Variants in DGKB observed in about 807,000 individuals in gnomAD.
DGKB encodes the protein diacylglycerol kinase beta.
In DGKB, 67 loss-of-function variants were observed where a neutral mutation model predicts 114.3. The ratio of observed to expected loss-of-function variants is 0.59; its 90% CI spans 0.48 to 0.72. The LOEUF (loss-of-function observed/expected upper bound fraction) is 0.72, where lower values mean the gene tolerates loss of function less well. Among genes scored for constraint, DGKB ranks in the 30% least tolerant of loss-of-function variants. The pLI, the probability that DGKB is intolerant of heterozygous loss-of-function variation, is 0.00. For missense variants in DGKB, 907 were observed against 975.2 expected (o/e 0.93, Z 0.93); for synonymous variants, 398 against 323.1 (o/e 1.23, Z -2.49).
At chr7:14,713,179 A>T (rs1563989199) in intron 6 of DGKB, among the ~76,000 whole-genome samples, 2 of 151,978 alleles carry the variant, frequency 1.3e-5, no homozygotes, top group East Asian at 1.9e-4. Context: ...TTATATCCAA[A>T]TTTTTTTTCC....
chr7:14,607,526 T>C lies in DGKB; in HGVS notation c.1359-18A>G, dbSNP rs1397419800. 1.5e-6 allele frequency: 2 copies of C among 1,293,174 alleles called. No homozygotes were observed. Among genetic ancestry groups the C allele is most frequent in the African/African-American group, 2.9e-5 (2 of 68,144 alleles). 80.1% of individuals were successfully genotyped at this position (1,293,174 alleles called of 1,614,324 possible). A position where few individuals can be genotyped will look rare whatever the true frequency, so the allele number is the denominator to read the frequency against. On this transcript the variant is annotated intron_variant, in intron 16 of 25. Transcript: ENST00000402815. ...TGTAAATTCTATAAAGGTGAAAATG[T>C]GGGGAAAAAATTTAATAATATTCAA...
chr7:14,619,979 G>C (rs1005864275), intron 15 of DGKB, among the ~76,000 whole-genome samples: 1 of 151,426 alleles, frequency 6.6e-6, no homozygotes, highest in Non-Finnish European at 1.5e-5. Flanking sequence ...TTTCATTCCA[G>C]GAACCCAGAG....
At chr7:14,871,991 G>A (rs548339081) in intron 1 of DGKB, among the ~76,000 whole-genome samples, 3 of 151,954 alleles carry the variant, frequency 2.0e-5, no homozygotes, top group South Asian at 2.1e-4. Flanking sequence ...TAAATACAGC[G>A]ATCTTCAAGA....
intron 7 of DGKB, among the ~76,000 whole-genome samples, chr7:14,700,610 T>C (rs1174811963): frequency 6.6e-6 from 1 of 152,202 alleles, no homozygotes; most frequent in Non-Finnish European, 1.5e-5. Flanking sequence ...AGGAGTTATA[T>C]ATTTTAATCT....
chr7:14,426,638 AT>A (rs1373918231), intron 21 of DGKB, among the ~76,000 whole-genome samples: 3 of 152,180 alleles, frequency 2.0e-5, no homozygotes, highest in Admixed American at 6.5e-5. Context: ...TGCTAAAATT[AT>A]GAGTTCAGAA....
chr7:14,894,249 C>G (rs144655199), intron 1 of DGKB, among the ~76,000 whole-genome samples: 1,693 of 151,390 alleles, frequency 0.011, 25 homozygotes, highest in Admixed American at 0.016. Flanking sequence ...TTCTCTTTTC[C>G]TCTTTTAACA....
chr7:14,706,861 G>T (rs1344093038), intron 6 of DGKB, among the ~76,000 whole-genome samples: 1 of 121,928 alleles, frequency 8.2e-6, no homozygotes. Flanking sequence ...ACAAGAGAAA[G>T]CAGGAAAGAT....
chr7:14,763,575 G>A (rs935483263), intron 2 of DGKB, among the ~76,000 whole-genome samples: 1 of 151,874 alleles, frequency 6.6e-6, no homozygotes, highest in South Asian at 2.1e-4. Flanking sequence ...CGTCACTTTG[G>A]AAAAAGAACA....
chr7:14,917,287 A>G (rs2128245689), intron 1 of DGKB, among the ~76,000 whole-genome samples: 1 of 152,166 alleles, frequency 6.6e-6, no homozygotes, highest in African/African-American at 2.4e-5. Flanking sequence ...TAGAGCAGAG[A>G]TAAACAGAAT....
At chr7:14,774,415 C>CAAAT (rs1006632635) in intron 2 of DGKB, among the ~76,000 whole-genome samples, 1 of 152,084 alleles carries the variant, frequency 6.6e-6, no homozygotes, top group African/African-American at 2.4e-5. Context: ...ACGGAAAAGC[C>CAAAT]AAATAGAGGC....
chr7:14,185,408 G>A (rs1783256890), intron 23 of DGKB, among the ~76,000 whole-genome samples: 1 of 151,980 alleles, frequency 6.6e-6, no homozygotes, highest in Non-Finnish European at 1.5e-5. Flanking sequence ...TCATGGATGG[G>A]TAGAATCAAT....
intron 3 of DGKB, among the ~76,000 whole-genome samples, chr7:14,754,928 A>C (rs1834651086): frequency 6.6e-6 from 1 of 152,138 alleles, no homozygotes; most frequent in Non-Finnish European, 1.5e-5. Context: ...TTGGTCAATG[A>C]AGTGAAGAGC....
chr7:14,328,272 C>A (rs957435308), intron 23 of DGKB, among the ~76,000 whole-genome samples: 4 of 151,932 alleles, frequency 2.6e-5, no homozygotes, highest in Admixed American at 2.6e-4. Flanking sequence ...TTTATATATT[C>A]GGTAAAATAA....
chr7:14,692,924 C>G (rs971501843), intron 9 of DGKB, among the ~76,000 whole-genome samples: 1 of 152,036 alleles, frequency 6.6e-6, no homozygotes, highest in South Asian at 2.1e-4. Flanking sequence ...CCTTAACCCT[C>G]AGCTCATTTG....
chr7:14,701,809 T>C (rs1047550730), intron 6 of DGKB, 79 bp from the exon 7 acceptor site: 2 of 981,186 alleles, frequency 2.0e-6, no homozygotes, highest in Non-Finnish European at 3.2e-6. Flanking sequence ...CATTAAAATT[T>C]AGTTTGTGTT....
chr7:14,243,590 A>G (rs1793991138), intron 23 of DGKB, among the ~76,000 whole-genome samples: 1 of 152,194 alleles, frequency 6.6e-6, no homozygotes, highest in South Asian at 2.1e-4. Flanking sequence ...TCACTTTCCA[A>G]AGCAAATATG....
intron 2 of DGKB, among the ~76,000 whole-genome samples, chr7:14,778,840 T>C (rs1296949967): frequency 1.3e-5 from 2 of 152,210 alleles, no homozygotes; most frequent in Admixed American, 6.5e-5. Context: ...TTTATTTTTA[T>C]GCCAATTGCT....
In DGKB at chr7:14,720,473, T is replaced by TTGTGTG. The variant is rs61654464; in HGVS notation, c.323-1794_323-1789dup. 4.5e-3 allele frequency among the ~76,000 whole-genome samples: 621 copies of TTGTGTG among 136,546 alleles called. 4 individuals are homozygous for TTGTGTG. The highest frequency in any genetic ancestry group is 0.012 in the African/African-American group (438 of 35,092). 89.6% of individuals were successfully genotyped at this position (136,546 alleles called of 152,430 possible). A position where few individuals can be genotyped will look rare whatever the true frequency, so the allele number is the denominator to read the frequency against. On this transcript the variant is annotated intron_variant, in intron 5 of 25. Transcript: ENST00000402815. ...GTGCGGGACACCACGCCCGGCTGAT[T>TTGTGTG]TGTGTGTGTGTGTGTGTGTGTGTGT...
At chr7:14,387,141 T>G (rs1820492063) in intron 21 of DGKB, among the ~76,000 whole-genome samples, 1 of 151,570 alleles carries the variant, frequency 6.6e-6, no homozygotes, top group Non-Finnish European at 1.5e-5. Context: ...GACAGTGTCT[T>G]GGCTGGGCGC....
Sources: allele counts gnomAD v4.1 joint callset (sites outside exome capture counted in the v4.1 genomes callset), GRCh38; gene constraint gnomAD v4.1.1; transcripts MANE v1.5; gene names NCBI Gene and HGNC (gene_info 2026-07-23, HGNC 2026-07-21).